LMO7: variants seen among roughly 807,000 people sequenced by gnomAD.
LMO7 encodes the protein LIM domain only protein 7.
LMO7 carries 120 observed loss-of-function variants against 206.5 expected under a neutral mutation model. That is an observed-to-expected ratio of 0.58 (90% CI 0.50 to 0.68). The LOEUF (loss-of-function observed/expected upper bound fraction) is 0.68. Among genes scored for constraint, LMO7 ranks in the 30% least tolerant of loss-of-function variants. The pLI, the probability that LMO7 is intolerant of heterozygous loss-of-function variation, is 0.00. For synonymous variants in LMO7, 706 were observed against 681.5 expected, an observed-to-expected ratio of 1.04 and a Z score of -0.56; for missense variants, 1,959 against 1,957.9, an observed-to-expected ratio of 1.00 and a Z score of -0.01.
intron 6 of LMO7, among the ~76,000 whole-genome samples, chr13:75,797,763 A>G (rs1165802948): frequency 6.6e-6 from 1 of 152,224 alleles, no homozygotes; most frequent in Non-Finnish European, 1.5e-5. Context: ...GTGGGATTAT[A>G]GAGCCTAGAA....
chr13:75,688,541 G>A lies in LMO7; in HGVS notation c.70-24641G>A, dbSNP rs1241018652. The stretch of plus-strand genomic sequence containing the variant: ...GGAGCCTATCAATGTATTGAAGAAG[G>A]CTGGCCAAGATATATATATCCCATG... On this transcript the variant is annotated intron_variant, in intron 1 of 30. Coordinates refer to ENST00000377534, the MANE Select transcript of LMO7 (RefSeq NM_001306080.2). 2.6e-5 allele frequency: 4 copies of A among 152,312 alleles called. No individual in the cohort carries two copies. In the East Asian group the frequency reaches 7.7e-4, roughly 29 times the overall value. 9.4% of individuals were successfully genotyped at this position (152,312 alleles called of 1,614,324 possible). A position where few individuals can be genotyped will look rare whatever the true frequency, so the allele number is the denominator to read the frequency against.
At chr13:75,775,183 A>G (rs1163558782) in intron 4 of LMO7, among the ~76,000 whole-genome samples, 1 of 152,084 alleles carries the variant, frequency 6.6e-6, no homozygotes, top group Non-Finnish European at 1.5e-5. Flanking sequence ...TTGAGCCTTT[A>G]GTATCTTTTA....
intron 3 of LMO7, among the ~76,000 whole-genome samples, chr13:75,744,823 T>TG (rs2046705045): frequency 6.6e-6 from 1 of 152,166 alleles, no homozygotes; most frequent in African/African-American, 2.4e-5. Flanking sequence ...GGGGCTGACA[T>TG]GCCATGGAGT....
At chr13:75,847,438 G>A (rs551220071) in intron 26 of LMO7, among the ~76,000 whole-genome samples, 3 of 152,292 alleles carry the variant, frequency 2.0e-5, no homozygotes, top group African/African-American at 7.2e-5. Context: ...ATTTATGGAT[G>A]ATTATTTGGA....
chr13:75,684,768 C>T (rs949147980), intron 1 of LMO7, among the ~76,000 whole-genome samples: 15 of 151,730 alleles, frequency 9.9e-5, no homozygotes, highest in African/African-American at 2.9e-4. Flanking sequence ...TACATATATA[C>T]GTGTGTGTAT....
intron 1 of LMO7, among the ~76,000 whole-genome samples, chr13:75,681,987 C>T (rs1049941294): frequency 1.2e-4 from 18 of 151,542 alleles, no homozygotes; most frequent in Non-Finnish European, 2.5e-4. Flanking sequence ...TTTTATTTAT[C>T]TGAGTAAATA....
chr13:75,682,235 C>G (rs779783694), intron 1 of LMO7, among the ~76,000 whole-genome samples: 8 of 152,124 alleles, frequency 5.3e-5, no homozygotes, highest in Non-Finnish European at 8.8e-5. Context: ...TCTGCATTTA[C>G]CTAATGACTT....
At chr13:75,661,317 A>G (rs1008080349) in intron 1 of LMO7, among the ~76,000 whole-genome samples, 2 of 151,818 alleles carry the variant, frequency 1.3e-5, no homozygotes, top group African/African-American at 4.8e-5. Flanking sequence ...TTAGACAGAG[A>G]GAGTAGTTTC....
At chr13:75,761,361 G>C (rs2048202572) in intron 4 of LMO7, among the ~76,000 whole-genome samples, 1 of 151,840 alleles carries the variant, frequency 6.6e-6, no homozygotes, top group Non-Finnish European at 1.5e-5. Context: ...TGAATTTAGG[G>C]GTTATATTAT....
At chr13:75,750,992 G>A (rs1219190926) in intron 3 of LMO7, among the ~76,000 whole-genome samples, 1 of 152,030 alleles carries the variant, frequency 6.6e-6, no homozygotes, top group African/African-American at 2.4e-5. Flanking sequence ...TTGATTGCTG[G>A]CACATACTTG....
intron 4 of LMO7, among the ~76,000 whole-genome samples, chr13:75,783,123 C>T (rs1465062015): frequency 6.6e-6 from 1 of 152,128 alleles, no homozygotes; most frequent in Non-Finnish European, 1.5e-5. Flanking sequence ...GGATTATTCA[C>T]ATACAGTATA....
chr13:75,788,545 C>T (rs1481222943), intron 4 of LMO7, among the ~76,000 whole-genome samples: 1 of 151,868 alleles, frequency 6.6e-6, no homozygotes, highest in Non-Finnish European at 1.5e-5. Context: ...ACACATGCCT[C>T]CGCTCTTGCC....
chr13:75,815,470 T>G (rs966573082), intron 11 of LMO7, among the ~76,000 whole-genome samples: 5 of 151,804 alleles, frequency 3.3e-5, no homozygotes, highest in Non-Finnish European at 1.5e-5. Context: ...ATAAGGAGAG[T>G]GAGAGCTGAG....
At chr13:75,831,642 G>C (rs1489347708) in intron 15 of LMO7, among the ~76,000 whole-genome samples, 1 of 152,168 alleles carries the variant, frequency 6.6e-6, no homozygotes, top group Non-Finnish European at 1.5e-5. Flanking sequence ...AAAGCAGATA[G>C]GCAAATGTTG....
Position 75,858,846 on chromosome 13 carries a change from ATG to A in LMO7, c.*904_*905del. The A allele has an allele frequency of 6.6e-6, 1 of 152,232 alleles. No homozygotes were observed. Among genetic ancestry groups the A allele is most frequent in the Non-Finnish European group, 1.5e-5 (1 of 68,028 alleles). The allele number at this position is 152,232 out of a possible 1,614,324, so 9.4% of individuals were successfully genotyped here. ...AGTGTATACTTTGACAAATTTTGAC[ATG>A]GTGTATACCTTCGAAACTATGCCAC... On this transcript the variant is annotated 3_prime_UTR_variant, in exon 31 of 31. Coordinates refer to ENST00000377534, the MANE Select transcript of LMO7 (RefSeq NM_001306080.2).
intron 6 of LMO7, among the ~76,000 whole-genome samples, chr13:75,797,051 T>G (rs2054106496): frequency 1.3e-5 from 2 of 152,208 alleles, no homozygotes; most frequent in South Asian, 4.1e-4. Flanking sequence ...TTACACACTT[T>G]ATGTAGCTTA....
chr13:75,699,951 C>T (rs8000374), intron 1 of LMO7, among the ~76,000 whole-genome samples: 4 of 152,160 alleles, frequency 2.6e-5, no homozygotes, highest in African/African-American at 7.2e-5. Flanking sequence ...GCCATTTTAG[C>T]GGCTTCCCCC....
chr13:75,634,691 C>T (rs376731354), upstream of LMO7, among the ~76,000 whole-genome samples: 12 of 151,570 alleles, frequency 7.9e-5, no homozygotes, highest in South Asian at 8.4e-4. Context: ...TGCAGTGAGC[C>T]GAGATTGCAC....
chr13:75,675,602 C>G (rs1175972300), intron 1 of LMO7, among the ~76,000 whole-genome samples: 3 of 152,130 alleles, frequency 2.0e-5, no homozygotes, highest in East Asian at 3.8e-4. Flanking sequence ...GGAAGCTGCT[C>G]TCTCTCCTGT....
Sources: gnomAD v4.1 joint callset for allele counts (sites outside exome capture counted in the v4.1 genomes callset) on GRCh38, gnomAD v4.1.1 for gene constraint, MANE v1.5 for transcripts, NCBI Gene and HGNC (gene_info 2026-07-23, HGNC 2026-07-21) for gene names.